The following RNGTT variants were observed in gnomAD, a reference collection of about 807,000 sequenced individuals.
RNGTT encodes mRNA-capping enzyme.
Under a neutral mutation model 79.3 loss-of-function variants are expected in RNGTT, and 33 were observed. The ratio of observed to expected loss-of-function variants is 0.42; its 90% CI spans 0.32 to 0.56. RNGTT has a LOEUF of 0.56. Among genes scored for constraint, RNGTT ranks in the 20% least tolerant of loss-of-function variants. The pLI is 0.17. For synonymous variants in RNGTT, 222 were observed against 235.9 expected, an observed-to-expected ratio of 0.94 and a Z score of 0.54; for missense variants, 497 against 739.1, an observed-to-expected ratio of 0.67 and a Z score of 3.80.
chr6:88,774,398 T>A (rs1188659666), intron 12 of RNGTT, among the ~76,000 whole-genome samples: 1 of 152,154 alleles, frequency 6.6e-6, no homozygotes, highest in Non-Finnish European at 1.5e-5. Flanking sequence ...GCAGCCACTA[T>A]AGATAAAAGG....
chr6:88,731,690 A>C (rs1777122576), intron 13 of RNGTT, among the ~76,000 whole-genome samples: 1 of 152,146 alleles, frequency 6.6e-6, no homozygotes, highest in African/African-American at 2.4e-5. Context: ...TGGAAAAAAA[A>C]TTGCAAATCA....
intron 12 of RNGTT, among the ~76,000 whole-genome samples, chr6:88,789,324 G>A (rs1779328473): frequency 1.3e-5 from 2 of 152,146 alleles, no homozygotes. Flanking sequence ...CATTTTGGGA[G>A]GCCAAGGCCA....
chr6:88,764,151 C>G (rs1340008859), intron 13 of RNGTT, among the ~76,000 whole-genome samples: 1 of 152,204 alleles, frequency 6.6e-6, no homozygotes, highest in Non-Finnish European at 1.5e-5. Context: ...TTCTTCATTA[C>G]CCCAGTTCGC....
chr6:88,934,366 A>G (rs542173213), intron 2 of RNGTT, among the ~76,000 whole-genome samples: 65 of 152,030 alleles, frequency 4.3e-4, no homozygotes, highest in Non-Finnish European at 7.9e-4. Context: ...GTGCAAGATG[A>G]TATTTCATTG....
chr6:88,952,059 G>C (rs1785268683), intron 1 of RNGTT, among the ~76,000 whole-genome samples: 1 of 152,034 alleles, frequency 6.6e-6, no homozygotes, highest in African/African-American at 2.4e-5. Flanking sequence ...TACATTCAGG[G>C]GCAAGGTCTG....
intron 14 of RNGTT, among the ~76,000 whole-genome samples, chr6:88,641,072 G>T (rs997081394): frequency 6.6e-6 from 1 of 152,200 alleles, no homozygotes; most frequent in African/African-American, 2.4e-5. Flanking sequence ...CGGGTGCGGT[G>T]GCTCATGCCT....
intron 8 of RNGTT, among the ~76,000 whole-genome samples, chr6:88,860,700 C>G (rs1456467147): frequency 6.6e-6 from 1 of 151,950 alleles, no homozygotes; most frequent in Non-Finnish European, 1.5e-5. Context: ...GAAGGCTAAG[C>G]ATAGTGATAC....
rs569786648 is a variant in RNGTT at position 88,638,099 on chromosome 6, T to C, written c.1507-23704A>G. On this transcript the variant is annotated intron_variant, in intron 14 of 15. Coordinates refer to ENST00000369485, the MANE Select transcript of RNGTT (RefSeq NM_003800.5). ...CATGAAGATTTTGGACATAAACCTG[T>C]GTCAAACCAGCCTGCCACCTCTCTC... Among the ~76,000 whole-genome samples the C allele has an allele frequency of 9.9e-5, 15 of 152,194 alleles. No individual in the cohort carries two copies. In the East Asian group the frequency reaches 1.5e-3, roughly 16 times the overall value.
At chr6:88,762,920 T>C (rs1260699711) in intron 13 of RNGTT, among the ~76,000 whole-genome samples, 1 of 151,386 alleles carries the variant, frequency 6.6e-6, no homozygotes, top group Non-Finnish European at 1.5e-5. Context: ...AAATGAAAGG[T>C]ATTTTCTTTT....
At chr6:88,652,381 T>A (rs1045106947) in intron 14 of RNGTT, among the ~76,000 whole-genome samples, 10 of 152,126 alleles carry the variant, frequency 6.6e-5, no homozygotes, top group African/African-American at 2.2e-4. Flanking sequence ...ATAATAAAAT[T>A]TGAGGACATG....
intron 13 of RNGTT, among the ~76,000 whole-genome samples, chr6:88,723,932 C>T (rs760883392): frequency 3.9e-5 from 6 of 152,088 alleles, no homozygotes; most frequent in Non-Finnish European, 5.9e-5. Context: ...ACCATGTTGG[C>T]CAGGCTGGTC....
intron 12 of RNGTT, among the ~76,000 whole-genome samples, chr6:88,775,642 A>G (rs1778851754): frequency 6.6e-6 from 1 of 152,230 alleles, no homozygotes; most frequent in South Asian, 2.1e-4. Context: ...ACCTATAATC[A>G]AAAGTTGTTA....
In RNGTT at chr6:88,782,125, A is replaced by T. The variant is rs982978285; in HGVS notation, c.1339-12251T>A. Reference sequence around the variant, plus strand: ...TACACAGAATAATTAAGGCAGCAATAACTTCTAAGGGCTAACATCGACTGA... The same window carrying T: ...TACACAGAATAATTAAGGCAGCAATTACTTCTAAGGGCTAACATCGACTGA... On this transcript the variant is annotated intron_variant, in intron 12 of 15. Transcript: ENST00000369485. Among the ~76,000 whole-genome samples the T allele has an allele frequency of 2.0e-5, 3 of 152,010 alleles. 1 individual carries two copies. The highest frequency in any genetic ancestry group is 7.3e-5 in the African/African-American group (3 of 41,292).
chr6:88,769,933 T>C (rs958626478), intron 12 of RNGTT, 59 bp from the exon 13 acceptor site: 16 of 1,175,322 alleles, frequency 1.4e-5, no homozygotes, highest in Middle Eastern at 2.3e-4. Context: ...AAACATTCAA[T>C]GTATTAAACC....
At chr6:88,707,776 C>G (rs934708819) in intron 13 of RNGTT, among the ~76,000 whole-genome samples, 1 of 149,364 alleles carries the variant, frequency 6.7e-6, no homozygotes, top group African/African-American at 2.5e-5. Flanking sequence ...TCTGAGACCA[C>G]TTTTTCCTAA....
chr6:88,766,226 A>G (rs950473179), intron 13 of RNGTT, among the ~76,000 whole-genome samples: 1 of 152,158 alleles, frequency 6.6e-6, no homozygotes, highest in Non-Finnish European at 1.5e-5. Flanking sequence ...GTAAGGAGAT[A>G]ACCTAGGCAG....
chr6:88,703,157 C>T (rs1029549391), intron 13 of RNGTT, among the ~76,000 whole-genome samples: 3 of 152,164 alleles, frequency 2.0e-5, no homozygotes, highest in South Asian at 2.1e-4. Flanking sequence ...TCTCAAAGAA[C>T]GTAAAACAGA....
rs534612863 is a variant in RNGTT at position 88,856,785 on chromosome 6, T to C, written c.897-3021A>G. 4.6e-5 allele frequency among the ~76,000 whole-genome samples: 7 copies of C among 152,288 alleles called. No individual in the cohort carries two copies. The East Asian group carries it at 1.3e-3, about 29-fold the overall frequency. ...ATTTCATGTAAGGAATGTGGAAATA[T>C]TTCCACATCACTCCAAAGTCCCTGA... On this transcript the variant is annotated intron_variant, in intron 8 of 15. Coordinates refer to ENST00000369485, the MANE Select transcript of RNGTT (RefSeq NM_003800.5).
chr6:88,790,410 C>A (rs1188593246), intron 12 of RNGTT, among the ~76,000 whole-genome samples: 1 of 152,102 alleles, frequency 6.6e-6, no homozygotes, highest in Admixed American at 6.5e-5. Flanking sequence ...AAGCTGAAGG[C>A]AGAGCTATGG....
Sources: allele counts gnomAD v4.1 joint callset (sites outside exome capture counted in the v4.1 genomes callset), GRCh38; gene constraint gnomAD v4.1.1; transcripts MANE v1.5; gene names NCBI Gene and HGNC (gene_info 2026-07-23, HGNC 2026-07-21).